FAM133B: variants seen among roughly 807,000 people sequenced by gnomAD.
FAM133B encodes the protein family with sequence similarity 133 member B.
Under a neutral mutation model 46.4 loss-of-function variants are expected in FAM133B, and 25 were observed. The observed-to-expected ratio is 0.54, with a 90% CI of 0.39 to 0.75. The LOEUF (loss-of-function observed/expected upper bound fraction) is 0.75. Among genes scored for constraint, FAM133B ranks in the 30% least tolerant of loss-of-function variants. FAM133B has a pLI of 0.00. For synonymous variants in FAM133B, 75 were observed against 86.0 expected (o/e 0.87, Z 0.71); for missense variants, 205 against 277.6 (o/e 0.74, Z 1.86).
At chr7:92,590,131 C>T in intron 1 of FAM133B, 137 bp downstream of exon 1, 1 of 1,308,838 alleles carries the variant, frequency 7.6e-7, no homozygotes, top group Non-Finnish European at 1.1e-6. Flanking sequence ...CTGGGATCGG[C>T]GGAGGGTGCT....
chr7:92,582,293 C>CATAACATAACATAACATAACAACATAA (rs1554390068), intron 1 of FAM133B, among the ~76,000 whole-genome samples: 4 of 140,814 alleles, frequency 2.8e-5, no homozygotes, highest in African/African-American at 1.1e-4. Flanking sequence ...CATAACATAA[C>CATAACATAACATAACATAACAACATAA]ATAACATAAA....
At chr7:92,589,896 T>C in intron 1 of FAM133B, 1 of 252,732 alleles carries the variant, frequency 4.0e-6, no homozygotes, top group Middle Eastern at 1.2e-3. Flanking sequence ...GTGAGTCGGA[T>C]GCGTCCAAGG....
intron 8 of FAM133B, 140 bp from the exon 9 acceptor site, chr7:92,570,055 C>T: frequency 7.4e-6 from 3 of 404,754 alleles, no homozygotes; most frequent in Middle Eastern, 6.6e-4. Flanking sequence ...TAACATTTAC[C>T]AGGATTTAAG....
At chr7:92,576,625 G>A (rs938288096) in intron 7 of FAM133B, among the ~76,000 whole-genome samples, 1 of 152,184 alleles carries the variant, frequency 6.6e-6, no homozygotes, top group African/African-American at 2.4e-5. Flanking sequence ...GACTCTGGAG[G>A]TAGGGCTCAG....
At chr7:92,575,112 G>T (rs1794655414) in intron 8 of FAM133B, among the ~76,000 whole-genome samples, 1 of 152,266 alleles carries the variant, frequency 6.6e-6, no homozygotes, top group East Asian at 1.9e-4. Context: ...ATTTACAATA[G>T]TAAGAAGATT....
intron 9 of FAM133B, 64 bp from the exon 10 acceptor site, chr7:92,566,125 T>TTCTTTCATTCTCTATCTTG: frequency 5.4e-6 from 8 of 1,473,870 alleles, no homozygotes; most frequent in Non-Finnish European, 7.5e-6. Context: ...CAAGGCATTT[T>TTCTTTCATTCTCTATCTTG]TCTTTCATTC....
intron 1 of FAM133B, among the ~76,000 whole-genome samples, chr7:92,584,408 T>C (rs1418977286): frequency 6.6e-6 from 1 of 152,182 alleles, no homozygotes; most frequent in Non-Finnish European, 1.5e-5. Context: ...ATAAAAGTTA[T>C]ATACTTCCAG....
intron 10 of FAM133B, 108 bp from the exon 11 acceptor site, chr7:92,562,476 C>T: frequency 7.2e-7 from 1 of 1,391,424 alleles, no homozygotes; most frequent in Non-Finnish European, 9.4e-7. Flanking sequence ...TCCACACAAC[C>T]AAGAAAACTA....
intron 10 of FAM133B, among the ~76,000 whole-genome samples, chr7:92,563,389 T>C (rs996259328): frequency 6.6e-6 from 1 of 152,188 alleles, no homozygotes; most frequent in Non-Finnish European, 1.5e-5. Context: ...TGCTTTTTCA[T>C]AAAAGGACAG....
At chr7:92,564,945 G>T (rs181634624) in intron 10 of FAM133B, among the ~76,000 whole-genome samples, 334 of 152,136 alleles carry the variant, frequency 2.2e-3, no homozygotes, top group African/African-American at 7.3e-3. Context: ...GCTATCAAAA[G>T]AATCTTTATT....
chr7:92,567,246 T>C (rs1001798321), intron 9 of FAM133B, among the ~76,000 whole-genome samples: 8 of 152,314 alleles, frequency 5.3e-5, no homozygotes, highest in Admixed American at 1.3e-4. Context: ...AAGCTGAAAG[T>C]TGTCAAAGCT....
chr7:92,568,305 G>A (rs1794425349), intron 9 of FAM133B, among the ~76,000 whole-genome samples: 1 of 151,922 alleles, frequency 6.6e-6, no homozygotes, highest in African/African-American at 2.4e-5. Context: ...ATATACACCT[G>A]CTACAGCCTG....
chr7:92,574,353 T>C (rs1794628002), intron 8 of FAM133B, among the ~76,000 whole-genome samples: 1 of 152,214 alleles, frequency 6.6e-6, no homozygotes, highest in African/African-American at 2.4e-5. Context: ...TTTTATATGA[T>C]AAATCCAGAA....
chr7:92,576,078 T>C (rs1288304931), intron 7 of FAM133B, among the ~76,000 whole-genome samples: 1 of 152,218 alleles, frequency 6.6e-6, no homozygotes, highest in Non-Finnish European at 1.5e-5. Flanking sequence ...ACACAGCTTA[T>C]TTTAAAATAG....
chr7:92,579,209 T>C (rs1040149003), intron 3 of FAM133B, 108 bp downstream of exon 3: 2 of 874,944 alleles, frequency 2.3e-6, no homozygotes, highest in Non-Finnish European at 3.5e-6. Flanking sequence ...AGGCTGGTCA[T>C]GAACTCCTGG....
At position 92,578,134 on chromosome 7, in the gene FAM133B, GAA is replaced by G; in HGVS notation, c.309+14_309+15del. The G allele has an allele frequency of 6.2e-7, 1 of 1,602,418 alleles. No individual in the cohort carries two copies. Among genetic ancestry groups the G allele is most frequent in the South Asian group, 1.1e-5 (1 of 88,846 alleles). ...CTTAATTGTAACGTTTAGAAAAATG[GAA>G]AATTTTTGCTCACCCTACCAGATTT... On this transcript the variant is annotated intron_variant, in intron 5 of 10. Coordinates refer to ENST00000445716, the MANE Select transcript of FAM133B (RefSeq NM_152789.4).
intron 1 of FAM133B, among the ~76,000 whole-genome samples, chr7:92,583,479 CAATT>C (rs1329966174): frequency 1.3e-5 from 2 of 152,058 alleles, no homozygotes; most frequent in Non-Finnish European, 2.9e-5. Context: ...TATTTTAGCT[CAATT>C]AAAACATCTG....
chr7:92,575,171 T>A (rs1794657191), intron 8 of FAM133B, among the ~76,000 whole-genome samples: 1 of 152,218 alleles, frequency 6.6e-6, no homozygotes, highest in Admixed American at 6.5e-5. Flanking sequence ...AAATTAATGT[T>A]CTTTAATTGG....
chr7:92,571,903 T>G (rs1794543049), intron 8 of FAM133B, among the ~76,000 whole-genome samples: 1 of 152,224 alleles, frequency 6.6e-6, no homozygotes, highest in Admixed American at 6.5e-5. Context: ...ATAGTTTTCT[T>G]CAAATAAGTA....
Sources: allele counts gnomAD v4.1 joint callset (sites outside exome capture counted in the v4.1 genomes callset), GRCh38; gene constraint gnomAD v4.1.1; transcripts MANE v1.5; gene names NCBI Gene and HGNC (gene_info 2026-07-23, HGNC 2026-07-21).